Variants in STXBP6 observed in about 807,000 individuals in gnomAD.
STXBP6 encodes syntaxin binding protein 6, also known as syntaxin-binding protein 6.
Under a neutral mutation model 26.9 loss-of-function variants are expected in STXBP6, and 21 were observed. The observed-to-expected ratio is 0.78, with a 90% CI of 0.55 to 1.12. The LOEUF is 1.12. STXBP6 is among the 50% of genes most tolerant of loss of function. The pLI is 0.00. For synonymous variants in STXBP6, 97 were observed against 92.6 expected (o/e 1.05, Z -0.27); for missense variants, 232 against 257.9 (o/e 0.90, Z 0.69).
chr14:24,918,936 G>T (rs188776964), intron 2 of STXBP6, among the ~76,000 whole-genome samples: 1 of 152,158 alleles, frequency 6.6e-6, no homozygotes, highest in East Asian at 1.9e-4. Flanking sequence ...AAGGCTGTTG[G>T]CTCAAGTTCC....
chr14:24,824,875 G>C (rs1387083671), intron 4 of STXBP6, among the ~76,000 whole-genome samples: 2 of 152,204 alleles, frequency 1.3e-5, no homozygotes, highest in African/African-American at 4.8e-5. Context: ...TTATGTTACA[G>C]TTAAGGAAAC....
intron 4 of STXBP6, among the ~76,000 whole-genome samples, chr14:24,848,883 A>G (rs949445808): frequency 4.6e-5 from 7 of 152,182 alleles, no homozygotes; most frequent in African/African-American, 1.7e-4. Flanking sequence ...ACACACGTAC[A>G]AAACATGATG....
At chr14:24,994,354 G>A (rs2074547014) in intron 1 of STXBP6, among the ~76,000 whole-genome samples, 1 of 152,084 alleles carries the variant, frequency 6.6e-6, no homozygotes, top group Non-Finnish European at 1.5e-5. Flanking sequence ...GGTTTGATAA[G>A]GCTCTCAGGG....
At position 24,867,900 on chromosome 14, in the gene STXBP6, T is replaced by A. The variant is rs533221321; in HGVS notation, c.155-10743A>T. On this transcript the variant is annotated intron_variant, in intron 2 of 5. Coordinates refer to ENST00000323944, the MANE Select transcript of STXBP6 (RefSeq NM_001394410.1). ...TGAGAACATATTTGCAAATCATATC[T>A]GATAAACTTGTATCTGCCGGGCATA... is the stretch of plus-strand genomic sequence containing the variant. Among the ~76,000 whole-genome samples, 75 of 152,288 alleles carry A rather than the reference T, an allele frequency of 4.9e-4. 1 individual carries two copies. Among genetic ancestry groups the A allele is most frequent in the African/African-American group, 1.8e-3 (73 of 41,568 alleles).
intron 4 of STXBP6, among the ~76,000 whole-genome samples, chr14:24,825,363 T>C (rs914392105): frequency 1.3e-5 from 2 of 152,230 alleles, no homozygotes; most frequent in African/African-American, 2.4e-5. Context: ...ACGGAACAGA[T>C]AGCGTGCTCA....
At chr14:24,949,493 C>G (rs888545334) in intron 2 of STXBP6, among the ~76,000 whole-genome samples, 3 of 152,066 alleles carry the variant, frequency 2.0e-5, no homozygotes, top group Admixed American at 1.3e-4. Context: ...AGAGCTCTTC[C>G]CAAAGGAATC....
intron 1 of STXBP6, among the ~76,000 whole-genome samples, chr14:25,007,083 C>T (rs79118848): frequency 0.032 from 4,932 of 152,306 alleles, 288 homozygotes; most frequent in African/African-American, 0.11. Context: ...AAATCACTGA[C>T]ATGCAAATGA....
chr14:25,035,977 G>A (rs542358984), intron 1 of STXBP6, among the ~76,000 whole-genome samples: 1 of 152,190 alleles, frequency 6.6e-6, no homozygotes, highest in East Asian at 1.9e-4. Context: ...CAGCACTTTG[G>A]GAGACTGAGG....
At chr14:24,932,028 C>T (rs2072431123) in intron 2 of STXBP6, among the ~76,000 whole-genome samples, 2 of 151,882 alleles carry the variant, frequency 1.3e-5, no homozygotes, top group Non-Finnish European at 2.9e-5. Flanking sequence ...CAGAAGAGGC[C>T]TTCAAAAAAA....
At chr14:24,950,148 T>C (rs1167827038) in intron 2 of STXBP6, among the ~76,000 whole-genome samples, 3 of 152,132 alleles carry the variant, frequency 2.0e-5, no homozygotes, top group African/African-American at 7.2e-5. Flanking sequence ...CAAATATTCA[T>C]TCAATAACCC....
intron 2 of STXBP6, among the ~76,000 whole-genome samples, chr14:24,868,322 G>A (rs928061415): frequency 6.6e-6 from 1 of 152,180 alleles, no homozygotes; most frequent in South Asian, 2.1e-4. Context: ...AGATGTGGAT[G>A]GAAAATAAGC....
chr14:24,982,022 T>C (rs2074206362), intron 1 of STXBP6, among the ~76,000 whole-genome samples: 1 of 152,100 alleles, frequency 6.6e-6, no homozygotes, highest in Non-Finnish European at 1.5e-5. Context: ...GTCTAGAAAA[T>C]AGTTTGCCAA....
In STXBP6 at chr14:25,049,342, G is replaced by C; in HGVS notation, c.-33+536C>G. The C allele has an allele frequency of 2.0e-6, 2 of 985,424 alleles. No homozygotes were observed. The highest frequency in any genetic ancestry group is 2.4e-6 in the Non-Finnish European group (2 of 829,942). 61.0% of individuals were successfully genotyped at this position (985,424 alleles called of 1,614,324 possible). On this transcript the variant is annotated intron_variant, in intron 1 of 5. Transcript: ENST00000323944. This position sits in a 1 kb window ranked among gnomAD's most constrained non-coding sequence, Gnocchi z 5.6. The stretch of plus-strand genomic sequence containing the variant: ...GCATCGCCCAGGGCCAGCGCCCTGG[G>C]GGCAGGGTGCCGTGCCCGCCAGAAA...
intron 2 of STXBP6, among the ~76,000 whole-genome samples, chr14:24,886,012 T>C (rs1281273282): frequency 1.3e-5 from 2 of 152,230 alleles, no homozygotes; most frequent in African/African-American, 2.4e-5. Context: ...ATGCCTAGCT[T>C]CTTTCTCTAT....
chr14:24,969,718 G>A (rs911276559), intron 2 of STXBP6, among the ~76,000 whole-genome samples: 4 of 152,272 alleles, frequency 2.6e-5, no homozygotes, highest in African/African-American at 7.2e-5. Flanking sequence ...CCACATGAGT[G>A]AGCAAGAATG....
chr14:24,977,636 A>G (rs1226117342), intron 1 of STXBP6, among the ~76,000 whole-genome samples: 1 of 152,222 alleles, frequency 6.6e-6, no homozygotes, highest in Non-Finnish European at 1.5e-5. Context: ...ATGAAACAAT[A>G]TATGCAGAAC....
At chr14:25,019,869 T>TTG (rs1491537660) in intron 1 of STXBP6, among the ~76,000 whole-genome samples, 1 of 54,376 alleles carries the variant, frequency 1.8e-5, no homozygotes, top group East Asian at 4.0e-4. Flanking sequence ...GTTTCGTGGG[T>TTG]TTTTTTTTTT....
chr14:24,813,177 C>T (rs1383887817), intron 5 of STXBP6, among the ~76,000 whole-genome samples: 1 of 152,174 alleles, frequency 6.6e-6, no homozygotes, highest in Non-Finnish European at 1.5e-5. Context: ...CAATCTACAA[C>T]CATCTATTTA....
At position 24,970,017 on chromosome 14, in the gene STXBP6, G is replaced by T. The variant is rs1030224009; in HGVS notation, c.154+4648C>A. ...AGCACTTTGGGAGGCTGAGGTGGACGGATGGCCTGAGGTCGGGAACTCGAG... is the reference window on the plus strand; with the variant it reads ...AGCACTTTGGGAGGCTGAGGTGGACTGATGGCCTGAGGTCGGGAACTCGAG... On this transcript the variant is annotated intron_variant, in intron 2 of 5. Transcript: ENST00000323944. Among the ~76,000 whole-genome samples the T allele has an allele frequency of 2.0e-5, 3 of 152,262 alleles. No homozygotes were observed. In the East Asian group the frequency reaches 5.8e-4, roughly 29 times the overall value.
Sources: gnomAD v4.1 joint callset for allele counts (sites outside exome capture counted in the v4.1 genomes callset) on GRCh38, gnomAD v4.1.1 for gene constraint, Gnocchi (gnomAD v3.1) non-coding constraint, MANE v1.5 for transcripts, NCBI Gene and HGNC (gene_info 2026-07-23, HGNC 2026-07-21) for gene names.